The following FAM240A variants were observed in gnomAD, a reference collection of about 807,000 sequenced individuals.
FAM240A encodes family with sequence similarity 240 member A.
Under a neutral mutation model 7.3 loss-of-function variants are expected in FAM240A, and 8 were observed. The ratio of observed to expected loss-of-function variants is 1.09; its 90% CI spans 0.64 to 1.97. The LOEUF is 1.97. Ranked by LOEUF, FAM240A falls within the 30% of genes most tolerant of loss-of-function variation. FAM240A has a pLI of 0.00. For synonymous variants in FAM240A, 32 were observed against 35.9 expected (o/e 0.89, Z 0.38); for missense variants, 90 against 102.2 (o/e 0.88, Z 0.52).
chr3:46,620,313 C>A (rs1358626741), intron 2 of FAM240A, among the ~76,000 whole-genome samples: 1 of 129,608 alleles, frequency 7.7e-6, no homozygotes, highest in African/African-American at 3.2e-5. Flanking sequence ...GCCCCTCCCC[C>A]ATGACTCCAG....
chr3:46,619,589 C>T (rs547268365), intron 2 of FAM240A, among the ~76,000 whole-genome samples: 1 of 152,182 alleles, frequency 6.6e-6, no homozygotes, highest in Non-Finnish European at 1.5e-5. Flanking sequence ...AGGATCTGAG[C>T]GTTTCTTTCT....
At chr3:46,615,716 G>A (rs890707790) in intron 1 of FAM240A, among the ~76,000 whole-genome samples, 2 of 152,182 alleles carry the variant, frequency 1.3e-5, no homozygotes, top group African/African-American at 4.8e-5. Flanking sequence ...AACATCTGCA[G>A]CCCCTGCTTT....
chr3:46,617,968 TCA>T (rs1044400496), intron 2 of FAM240A, among the ~76,000 whole-genome samples: 3 of 152,146 alleles, frequency 2.0e-5, no homozygotes, highest in African/African-American at 7.2e-5. Context: ...CTCACTGCCC[TCA>T]CACACACACT....
At chr3:46,622,126 T>C (rs187408145) in intron 2 of FAM240A, among the ~76,000 whole-genome samples, 1,751 of 144,254 alleles carry the variant, frequency 0.012, 36 homozygotes, top group African/African-American at 0.039. Context: ...TTTTTTTTTT[T>C]TTTTGAGACA....
intron 1 of FAM240A, among the ~76,000 whole-genome samples, chr3:46,615,963 A>G (rs1370796130): frequency 6.6e-6 from 1 of 152,202 alleles, no homozygotes; most frequent in Non-Finnish European, 1.5e-5. Flanking sequence ...AGAAGTCTGA[A>G]GCCTGTCACT....
At chr3:46,620,683 AG>A (rs1312241790) in intron 2 of FAM240A, among the ~76,000 whole-genome samples, 2 of 152,194 alleles carry the variant, frequency 1.3e-5, no homozygotes, top group African/African-American at 4.8e-5. Context: ...CTGCAAGGGA[AG>A]GGGAAAGATG....
At chr3:46,620,646 T>C (rs1214215796) in intron 2 of FAM240A, among the ~76,000 whole-genome samples, 2 of 151,822 alleles carry the variant, frequency 1.3e-5, no homozygotes, top group Admixed American at 6.6e-5. Flanking sequence ...GAACAAACAA[T>C]CTGGTTTCAA....
intron 1 of FAM240A, among the ~76,000 whole-genome samples, chr3:46,613,491 C>CTAAATAAATAAATACATAAATAAATAAA (rs1697590967): frequency 7.3e-6 from 1 of 137,856 alleles, no homozygotes; most frequent in Non-Finnish European, 1.5e-5. Context: ...GAAACTCCTT[C>CTAAATAAATAAATACATAAATAAATAAA]TAAATAAATA....
At chr3:46,624,244 T>C (rs1306136420) in intron 2 of FAM240A, among the ~76,000 whole-genome samples, 1 of 150,968 alleles carries the variant, frequency 6.6e-6, no homozygotes, top group East Asian at 1.9e-4. Flanking sequence ...CATTAATAGT[T>C]TTACTTTCAA....
intron 2 of FAM240A, 95 bp downstream of exon 2, chr3:46,617,423 A>G (rs1697643301): frequency 2.6e-6 from 3 of 1,161,388 alleles, no homozygotes; most frequent in South Asian, 3.7e-5. Flanking sequence ...AAAATTGAGC[A>G]GAAGGTACTA....
chr3:46,625,473 C>T lies in FAM240A; in HGVS notation c.*255C>T, dbSNP rs769876957. 6.8e-4 allele frequency: 169 copies of T among 248,012 alleles called. 1 individual carries two copies. Among genetic ancestry groups the T allele is most frequent in the Admixed American group, 2.8e-3 (52 of 18,578 alleles). The allele number at this position is 248,012 out of a possible 1,614,324, so 15.4% of individuals were successfully genotyped here. On this transcript the variant is annotated 3_prime_UTR_variant, in exon 3 of 3. Transcript: ENST00000640551. ...GATAGCTTATTTAATATCGAAGCTC[C>T]ATGCAGCATTCCTTGCTTCTATATA...
In FAM240A at chr3:46,626,307, T is replaced by C. The variant is rs1373183966; in HGVS notation, c.*1089T>C. Reference sequence around the variant, plus strand: ...ATCCGGGAGTGGCCAACCGGGAGTTTCATACCTTAATTGTGAAGGACACCT... The same window carrying C: ...ATCCGGGAGTGGCCAACCGGGAGTTCCATACCTTAATTGTGAAGGACACCT... On this transcript the variant is annotated 3_prime_UTR_variant, in exon 3 of 3. Coordinates refer to ENST00000640551, the MANE Select transcript of FAM240A (RefSeq NM_001195442.2). The C allele has an allele frequency of 6.6e-6, 1 of 152,198 alleles. No homozygotes were observed. The highest frequency in any genetic ancestry group is 2.4e-5 in the African/African-American group (1 of 41,442). The allele number at this position is 152,198 out of a possible 1,614,324, so 9.4% of individuals were successfully genotyped here.
At chr3:46,617,676 C>A (rs571862103) in intron 2 of FAM240A, among the ~76,000 whole-genome samples, 5 of 152,214 alleles carry the variant, frequency 3.3e-5, no homozygotes, top group Admixed American at 6.5e-5. Context: ...TCTCTCCTCT[C>A]TGTCACCATG....
chr3:46,625,366 T>C lies in FAM240A; in HGVS notation c.*148T>C. 2.0e-6 allele frequency: 1 copy of C among 512,510 alleles called. No homozygotes were observed. Among genetic ancestry groups the C allele is most frequent in the East Asian group, 3.4e-5 (1 of 29,198 alleles). The allele number at this position is 512,510 out of a possible 1,614,324, so 31.7% of individuals were successfully genotyped here. A position where few individuals can be genotyped will look rare whatever the true frequency, so the allele number is the denominator to read the frequency against. On this transcript the variant is annotated 3_prime_UTR_variant, in exon 3 of 3. Coordinates refer to ENST00000640551, the MANE Select transcript of FAM240A (RefSeq NM_001195442.2). ...TGGGAGAGGACTTACCTGTAAATCC[T>C]TTCCCAGTGTTTGATGGCAGTTATT...
At chr3:46,622,719 T>C (rs1291716084) in intron 2 of FAM240A, among the ~76,000 whole-genome samples, 1 of 152,216 alleles carries the variant, frequency 6.6e-6, no homozygotes, top group Non-Finnish European at 1.5e-5. Flanking sequence ...GGACCTTTTC[T>C]GTCCCATTGA....
chr3:46,618,321 G>A (rs1482188770), intron 2 of FAM240A, among the ~76,000 whole-genome samples: 1 of 152,208 alleles, frequency 6.6e-6, no homozygotes, highest in Non-Finnish European at 1.5e-5. Flanking sequence ...AAGCTGACTT[G>A]GGTGGCCAGT....
intron 2 of FAM240A, among the ~76,000 whole-genome samples, chr3:46,618,748 G>A (rs1697658562): frequency 6.6e-6 from 1 of 151,872 alleles, no homozygotes; most frequent in Non-Finnish European, 1.5e-5. Flanking sequence ...GCTGAGGCAG[G>A]AGAATCACTT....
intron 2 of FAM240A, 118 bp downstream of exon 2, chr3:46,617,446 G>A (rs888914382): frequency 1.2e-6 from 1 of 850,666 alleles, no homozygotes; most frequent in African/African-American, 1.7e-5. Flanking sequence ...AGTTCCCTGA[G>A]CCCCCACGCA....
At position 46,617,186 on chromosome 3, in the gene FAM240A, A is replaced by G. The variant is rs1425937303; in HGVS notation, c.19A>G (p.Met7Val). Residue 7 changes from methionine (M) to valine (V), a missense_variant, in exon 2 of 3, where the codon ATG becomes GTG. Transcript: ENST00000640551. MRLFSG[M>V]NNQYTRREVF... is the part of the protein sequence containing the mutation. Reference sequence around the variant, plus strand: ...GTATGGCTATTTTCCTTTTTAGGGGATGAACAATCAATACACCCGTCGGGA... The same window carrying G: ...GTATGGCTATTTTCCTTTTTAGGGGGTGAACAATCAATACACCCGTCGGGA... The G allele has an allele frequency of 6.6e-7, 1 of 1,520,882 alleles. No homozygotes were observed. Among genetic ancestry groups the G allele is most frequent in the South Asian group, 1.2e-5 (1 of 80,574 alleles). 94.2% of individuals were successfully genotyped at this position (1,520,882 alleles called of 1,614,324 possible). A position where few individuals can be genotyped will look rare whatever the true frequency, so the allele number is the denominator to read the frequency against.
Sources: allele counts gnomAD v4.1 joint callset (sites outside exome capture counted in the v4.1 genomes callset), GRCh38; gene constraint gnomAD v4.1.1; transcripts MANE v1.5; gene names NCBI Gene and HGNC (gene_info 2026-07-23, HGNC 2026-07-21).